FMNL2: variants seen among roughly 807,000 people sequenced by gnomAD.
FMNL2 encodes formin-like protein 2.
FMNL2 carries 51 observed loss-of-function variants against 130.2 expected under a neutral mutation model. That is an observed-to-expected ratio of 0.39 (90% confidence interval 0.31 to 0.49). FMNL2 has a LOEUF of 0.49. Among genes scored for constraint, FMNL2 ranks in the 20% least tolerant of loss-of-function variants. The pLI is 0.85. For missense variants in FMNL2, 977 were observed against 1,316.2 expected, an observed-to-expected ratio of 0.74 and a Z score of 3.99; for synonymous variants, 465 against 467.1, an observed-to-expected ratio of 1.00 and a Z score of 0.06.
chr2:152,344,627 T>C (rs1402981777), intron 1 of FMNL2, among the ~76,000 whole-genome samples: 1 of 152,222 alleles, frequency 6.6e-6, no homozygotes, highest in Non-Finnish European at 1.5e-5. Context: ...GAAAATTCTA[T>C]ACATATGGTG....
At chr2:152,638,695 G>A (rs1682826986) in intron 23 of FMNL2, among the ~76,000 whole-genome samples, 1 of 152,186 alleles carries the variant, frequency 6.6e-6, no homozygotes, top group South Asian at 2.1e-4. Flanking sequence ...GCCAGACTCA[G>A]GATTTGCTCG....
chr2:152,434,251 A>G (rs1177398801), intron 1 of FMNL2, among the ~76,000 whole-genome samples: 1 of 152,216 alleles, frequency 6.6e-6, no homozygotes, highest in Non-Finnish European at 1.5e-5. Context: ...CTACAGCAGG[A>G]AAGTATGCAC....
Position 152,611,558 on chromosome 2 carries a change from C to T in FMNL2, c.1015C>T (p.His339Tyr), listed in dbSNP as rs1215980810. Residue 339 changes from histidine (H) to tyrosine (Y), a missense_variant, in exon 11 of 26, where the codon CAC (histidine) becomes TAC (tyrosine). This residue lies in a region of FMNL2 where 689 missense variants were observed against 995.9 expected (regional missense o/e 0.69). Coordinates refer to ENST00000288670, the MANE Select transcript of FMNL2 (RefSeq NM_052905.4). ...AGTAGAAGATATGAATTTCAGAGTT[C>T]ACCTGCAGTATGAATTTACCAAATT... ...HSVEDMNFRV[H>Y]LQYEFTKLGL... The T allele has an allele frequency of 2.5e-6, 4 of 1,604,116 alleles. No homozygotes were observed. The African/African-American group carries it at 5.3e-5, about 21-fold the overall frequency.
At chr2:152,389,805 C>A in intron 1 of FMNL2, 1 of 1,388,712 alleles carries the variant, frequency 7.2e-7, no homozygotes, top group Non-Finnish European at 1.0e-6. Context: ...CAGACTTTTT[C>A]ACTGCAGGAG....
At chr2:152,646,627 TGTG>T (rs1683596024) in intron 25 of FMNL2, among the ~76,000 whole-genome samples, 1 of 152,040 alleles carries the variant, frequency 6.6e-6, no homozygotes, top group Non-Finnish European at 1.5e-5. Flanking sequence ...GTGGGTCAAA[TGTG>T]GTCCATCAGC....
At chr2:152,477,234 G>A (rs1039710137) in intron 1 of FMNL2, among the ~76,000 whole-genome samples, 12 of 152,166 alleles carry the variant, frequency 7.9e-5, no homozygotes, top group African/African-American at 2.9e-4. Context: ...CAGACAGCTA[G>A]CTGCTGAAAT....
At chr2:152,384,357 C>CT (rs1256280008) in intron 1 of FMNL2, among the ~76,000 whole-genome samples, 1 of 152,168 alleles carries the variant, frequency 6.6e-6, no homozygotes, top group African/African-American at 2.4e-5. Context: ...TTACCAGCCC[C>CT]TGTGGTCTAG....
At chr2:152,570,561 G>A (rs1696117078) in intron 6 of FMNL2, among the ~76,000 whole-genome samples, 1 of 152,208 alleles carries the variant, frequency 6.6e-6, no homozygotes, top group African/African-American at 2.4e-5. Flanking sequence ...GGAGAAGAAA[G>A]GCTATCAGCA....
chr2:152,521,929 T>C lies in FMNL2; in HGVS notation c.118-14T>C. 1.3e-6 allele frequency: 2 copies of C among 1,589,282 alleles called. No individual in the cohort carries two copies. Among genetic ancestry groups the C allele is most frequent in the African/African-American group, 1.3e-5 (1 of 74,358 alleles). ...GAATGTGACATCTTTTCTCTCTTTA[T>C]TTTTTTTAAACAGAATGCTATGAAC... On this transcript the variant is annotated splice_polypyrimidine_tract_variant and intron_variant, in intron 1 of 25. Coordinates refer to ENST00000288670, the MANE Select transcript of FMNL2 (RefSeq NM_052905.4).
At chr2:152,580,892 A>G in intron 8 of FMNL2, 64 bp from the exon 9 acceptor site, 2 of 1,436,276 alleles carry the variant, frequency 1.4e-6, no homozygotes, top group Middle Eastern at 1.8e-4. Flanking sequence ...CTTGGAAGGA[A>G]GAAACAGCTG....
intron 9 of FMNL2, among the ~76,000 whole-genome samples, chr2:152,593,878 TGTGTGTGTGTGTGTGTGTGTGTGTGAGA>T (rs1465042257): frequency 1.0e-5 from 1 of 99,176 alleles, no homozygotes; most frequent in Non-Finnish European, 2.1e-5. Context: ...TGTGTGTGTG[TGTGTGTGTGTGTGTGTGTGTGTGTGAGA>T]GAGAGAGAGA....
Position 152,509,737 on chromosome 2 carries a change from C to CTTTTTTTTTTTTTT in FMNL2, c.118-12193_118-12180dup, listed in dbSNP as rs138976882. On this transcript the variant is annotated intron_variant, in intron 1 of 25. Transcript: ENST00000288670. The stretch of plus-strand genomic sequence containing the variant: ...GAGAAGGTATATCTGTACTCTGGAC[C>CTTTTTTTTTTTTTT]TTTTTTTTTTTTTTTTTTTTTTTTT... Among the ~76,000 whole-genome samples, 72 of 58,684 alleles carry CTTTTTTTTTTTTTT rather than the reference C, an allele frequency of 1.2e-3. 20 individuals carry two copies. Among genetic ancestry groups the CTTTTTTTTTTTTTT allele is most frequent in the African/African-American group, 2.4e-3 (34 of 14,034 alleles). 38.5% of individuals were successfully genotyped at this position (58,684 alleles called of 152,430 possible). A position where few individuals can be genotyped will look rare whatever the true frequency, so the allele number is the denominator to read the frequency against.
intron 1 of FMNL2, among the ~76,000 whole-genome samples, chr2:152,384,544 A>G (rs1001429454): frequency 2.0e-5 from 3 of 152,102 alleles, no homozygotes; most frequent in Admixed American, 2.0e-4. Flanking sequence ...TTGATCAGTG[A>G]TTGGTTTCCC....
At chr2:152,485,723 G>A (rs190214884) in intron 1 of FMNL2, among the ~76,000 whole-genome samples, 88 of 152,302 alleles carry the variant, frequency 5.8e-4, no homozygotes, top group Non-Finnish European at 1.1e-3. Context: ...GAAGGTGAAA[G>A]CCAGTGATTC....
At chr2:152,525,578 G>A (rs374737059) in intron 2 of FMNL2, among the ~76,000 whole-genome samples, 2 of 152,204 alleles carry the variant, frequency 1.3e-5, no homozygotes, top group East Asian at 1.9e-4. Context: ...CCAACGGAAG[G>A]GTGAGACATG....
At chr2:152,450,334 C>T (rs867102294) in intron 1 of FMNL2, among the ~76,000 whole-genome samples, 9 of 152,086 alleles carry the variant, frequency 5.9e-5, no homozygotes, top group South Asian at 4.1e-4. Context: ...ATTAACATAA[C>T]GAAGTGAGGA....
intron 1 of FMNL2, among the ~76,000 whole-genome samples, chr2:152,490,054 C>T (rs1691058946): frequency 6.6e-6 from 1 of 152,148 alleles, no homozygotes. Context: ...TGTAGCTGAT[C>T]TTTCAGTTCT....
intron 10 of FMNL2, among the ~76,000 whole-genome samples, chr2:152,608,821 A>T (rs922075703): frequency 6.6e-6 from 1 of 152,154 alleles, no homozygotes; most frequent in African/African-American, 2.4e-5. Context: ...GCCAACCTAC[A>T]GGCTTATGAG....
At chr2:152,435,857 G>A (rs1307729512) in intron 1 of FMNL2, among the ~76,000 whole-genome samples, 1 of 152,132 alleles carries the variant, frequency 6.6e-6, no homozygotes, top group African/African-American at 2.4e-5. Flanking sequence ...GATCTTGACT[G>A]TCCCTTTCTA....
Sources: allele counts gnomAD v4.1 joint callset (sites outside exome capture counted in the v4.1 genomes callset), GRCh38; gene constraint gnomAD v4.1.1; regional missense constraint gnomAD v4.1.1; transcripts MANE v1.5; gene names NCBI Gene and HGNC (gene_info 2026-07-23, HGNC 2026-07-21).